ZNF148: variants seen among roughly 807,000 people sequenced by gnomAD.
The protein encoded by ZNF148 is zinc finger protein 148.
In ZNF148, 7 loss-of-function variants were observed where a neutral mutation model predicts 67.7. The observed-to-expected ratio is 0.10, with a 90% CI of 0.06 to 0.19. ZNF148 has a LOEUF of 0.19. Among genes scored for constraint, ZNF148 ranks in the 10% least tolerant of loss-of-function variants. The probability of loss-of-function intolerance (pLI) is 1.00; values close to 1 mark genes in which losing one functional copy is unlikely to be tolerated. For missense variants in ZNF148, 583 were observed against 947.1 expected (o/e 0.62, Z 5.05); for synonymous variants, 333 against 330.7 (o/e 1.01, Z -0.08).
chr3:125,254,370 C>A (rs1936977332), intron 7 of ZNF148, among the ~76,000 whole-genome samples: 1 of 152,094 alleles, frequency 6.6e-6, no homozygotes, highest in Non-Finnish European at 1.5e-5. Context: ...GGTACATGGG[C>A]TATATATGTC....
chr3:125,318,823 C>A (rs1418301438), intron 3 of ZNF148, among the ~76,000 whole-genome samples: 1 of 152,178 alleles, frequency 6.6e-6, no homozygotes, highest in Admixed American at 6.5e-5. Context: ...CCAACTCAGG[C>A]CAATTTCTCC....
At position 125,265,365 on chromosome 3, in the gene ZNF148, A is replaced by C. The variant is rs1387677998; in HGVS notation, c.667+12361T>G. On this transcript the variant is annotated intron_variant, in intron 7 of 8. Coordinates refer to ENST00000360647, the MANE Select transcript of ZNF148 (RefSeq NM_021964.3). ...GCATCTCCTTAATAACAGCACCTCA[A>C]AAGTTTCCCAGCCAGTCTCTAGCAT... Among the ~76,000 whole-genome samples the C allele has an allele frequency of 2.0e-5, 3 of 152,230 alleles. No homozygotes were observed. In the East Asian group the frequency reaches 5.8e-4, roughly 29 times the overall value.
intron 7 of ZNF148, among the ~76,000 whole-genome samples, chr3:125,244,914 C>T (rs577098500): frequency 3.0e-4 from 46 of 152,304 alleles, no homozygotes; most frequent in African/African-American, 1.0e-3. Context: ...ACCTCTCCAA[C>T]TGCTCCTTCT....
chr3:125,256,967 GTTTTTTTTT>G lies in ZNF148; in HGVS notation c.667+20750_667+20758del, dbSNP rs10576530. Among the ~76,000 whole-genome samples, 25 of 108,122 alleles carry G rather than the reference GTTTTTTTTT, an allele frequency of 2.3e-4. No individual in the cohort carries two copies. In the South Asian group the frequency reaches 5.9e-3, roughly 25 times the overall value. The allele number at this position is 108,122 out of a possible 152,430, so 70.9% of individuals were successfully genotyped here. On this transcript the variant is annotated intron_variant, in intron 7 of 8. Coordinates refer to ENST00000360647, the MANE Select transcript of ZNF148 (RefSeq NM_021964.3). ...TATGTTTTCAGTTCCAGAACTTCCA[GTTTTTTTTT>G]TTTTTTTTTTTTTTTACAAACTGCA...
At chr3:125,269,155 C>T (rs933324048) in intron 7 of ZNF148, among the ~76,000 whole-genome samples, 16 of 149,146 alleles carry the variant, frequency 1.1e-4, no homozygotes, top group Non-Finnish European at 2.4e-4. Context: ...ATCGCTTGAG[C>T]CCAGCAATTT....
chr3:125,291,687 T>C (rs1020176912), intron 4 of ZNF148, among the ~76,000 whole-genome samples: 7 of 152,306 alleles, frequency 4.6e-5, no homozygotes, highest in Non-Finnish European at 8.8e-5. Context: ...TAAGTTCTTG[T>C]GGACCAAAAT....
chr3:125,249,815 T>A (rs566275554), intron 7 of ZNF148, among the ~76,000 whole-genome samples: 5 of 151,070 alleles, frequency 3.3e-5, no homozygotes, highest in Admixed American at 3.3e-4. Flanking sequence ...ATGTGGGGGG[T>A]GTGTGTGTAC....
rs1056016774 is a variant in ZNF148 at position 125,230,688 on chromosome 3, G to T, written c.*1653C>A. ...CATATTCTATATTGAAACAAAGACT[G>T]CAGAGCTATAGGGCCAGTATAAGAG... On this transcript the variant is annotated 3_prime_UTR_variant, in exon 9 of 9. Transcript: ENST00000360647. 4 of 152,368 alleles carry T rather than the reference G, an allele frequency of 2.6e-5. No homozygotes were observed. The highest frequency in any genetic ancestry group is 4.4e-5 in the Non-Finnish European group (3 of 67,954). 9.4% of individuals were successfully genotyped at this position (152,368 alleles called of 1,614,324 possible).
chr3:125,296,384 A>G (rs567108003), intron 4 of ZNF148, among the ~76,000 whole-genome samples: 8 of 152,264 alleles, frequency 5.3e-5, no homozygotes, highest in South Asian at 4.1e-4. Flanking sequence ...CGGCCTCCCA[A>G]AGTGCTGGGA....
intron 3 of ZNF148, 74 bp downstream of exon 3, chr3:125,323,235 C>A: frequency 2.2e-6 from 1 of 455,836 alleles, no homozygotes; most frequent in Admixed American, 3.9e-5. Flanking sequence ...AAAATTCTAG[C>A]AGCTGAACAC....
chr3:125,236,564 G>A (rs1452535504), intron 7 of ZNF148, among the ~76,000 whole-genome samples: 1 of 152,278 alleles, frequency 6.6e-6, no homozygotes, highest in South Asian at 2.1e-4. Context: ...AGTACTCTAA[G>A]TGTTTAGATA....
intron 7 of ZNF148, among the ~76,000 whole-genome samples, chr3:125,238,618 A>C (rs748003837): frequency 2.4e-4 from 36 of 152,168 alleles, no homozygotes; most frequent in Middle Eastern, 3.4e-3. Context: ...ACAGAAAAAG[A>C]CTCTGTCTAA....
chr3:125,290,773 A>AC, intron 4 of ZNF148, among the ~76,000 whole-genome samples: 1 of 152,260 alleles, frequency 6.6e-6, no homozygotes, highest in African/African-American at 2.4e-5. Context: ...TACCAAAAAA[A>AC]CACCTAATAC....
At chr3:125,333,272 AAAAAT>A (rs1215840328) in intron 1 of ZNF148, among the ~76,000 whole-genome samples, 1 of 152,232 alleles carries the variant, frequency 6.6e-6, no homozygotes. Flanking sequence ...AAAAGAAAAC[AAAAAT>A]AAAATAGTGA....
At chr3:125,344,919 A>AT (rs59010306) in intron 1 of ZNF148, 154 of 155,436 alleles carry the variant, frequency 9.9e-4, no homozygotes, top group Middle Eastern at 9.5e-3. Context: ...GCCTGAGTAG[A>AT]TTTTTTTTTT....
Position 125,232,607 on chromosome 3 carries a change from C to T in ZNF148, c.2119G>A (p.Asp707Asn), listed in dbSNP as rs1935903715. The T allele has an allele frequency of 6.2e-7, 1 of 1,613,724 alleles. No individual in the cohort carries two copies. Among genetic ancestry groups the T allele is most frequent in the East Asian group, 2.2e-5 (1 of 44,878 alleles). ...ASATSTQDFL[D>N]QVTSQKKAEA... Reference sequence around the variant, plus strand: ...GCTTTCTTCTGAGAAGTCACTTGATCCAGAAAGTCCTGTGTTGATGTGGCA... The same window carrying T: ...GCTTTCTTCTGAGAAGTCACTTGATTCAGAAAGTCCTGTGTTGATGTGGCA... Residue 707 changes from aspartate (D) to asparagine (N), a missense_variant, in exon 9 of 9, where the codon GAT becomes AAT. Physicochemically the swap from Asp to Asn is conservative, Grantham distance 23. Coordinates refer to ENST00000360647, the MANE Select transcript of ZNF148 (RefSeq NM_021964.3). This position sits in a 1 kb window ranked among gnomAD's most constrained non-coding sequence, Gnocchi z 4.2.
chr3:125,292,805 C>T (rs904737503), intron 4 of ZNF148: 2 of 152,188 alleles, frequency 1.3e-5, no homozygotes, highest in Non-Finnish European at 2.9e-5. Context: ...GACATCAAAA[C>T]TACTTTCACA....
intron 4 of ZNF148, among the ~76,000 whole-genome samples, chr3:125,288,674 C>G (rs927697305): frequency 2.6e-5 from 4 of 152,018 alleles, no homozygotes; most frequent in Non-Finnish European, 5.9e-5. Flanking sequence ...TATAAAATAT[C>G]AAGTAAACCA....
intron 7 of ZNF148, among the ~76,000 whole-genome samples, 188 bp from the exon 8 acceptor site, chr3:125,234,517 A>T (rs988473816): frequency 2.0e-5 from 3 of 152,234 alleles, no homozygotes; most frequent in Non-Finnish European, 4.4e-5. Context: ...GGATGAATAC[A>T]GGCACAGTCC....
Sources: gnomAD v4.1 joint callset for allele counts (sites outside exome capture counted in the v4.1 genomes callset) on GRCh38, gnomAD v4.1.1 for gene constraint, Gnocchi (gnomAD v3.1) non-coding constraint, MANE v1.5 for transcripts, NCBI Gene and HGNC (gene_info 2026-07-23, HGNC 2026-07-21) for gene names.